The following ZBTB20 variants were observed in gnomAD, a reference collection of about 807,000 sequenced individuals.
The protein encoded by ZBTB20 is zinc finger and BTB domain containing 20.
In ZBTB20, 9 loss-of-function variants were observed where a neutral mutation model predicts 56.9. The observed-to-expected ratio is 0.16, with a 90% CI of 0.10 to 0.28. The LOEUF is 0.28. Among genes scored for constraint, ZBTB20 ranks in the 10% least tolerant of loss-of-function variants. The probability of loss-of-function intolerance (pLI) is 1.00; values close to 1 mark genes in which losing one functional copy is unlikely to be tolerated. For missense variants in ZBTB20, 655 were observed against 1,003.0 expected (o/e 0.65, Z 4.69); for synonymous variants, 417 against 420.7 (o/e 0.99, Z 0.11).
At chr3:114,427,418 C>A (rs901275210) in intron 7 of ZBTB20, among the ~76,000 whole-genome samples, 1 of 152,192 alleles carries the variant, frequency 6.6e-6, no homozygotes, top group African/African-American at 2.4e-5. Flanking sequence ...AAAGACAGAA[C>A]ACATCATCAG....
chr3:114,660,307 A>T (rs1269488544), intron 6 of ZBTB20, among the ~76,000 whole-genome samples: 1 of 152,134 alleles, frequency 6.6e-6, no homozygotes, highest in Non-Finnish European at 1.5e-5. Context: ...CAAAGTCTGC[A>T]GTTGTTTTTA....
chr3:115,017,440 A>G (rs1216615294), intron 2 of ZBTB20, among the ~76,000 whole-genome samples: 1 of 151,774 alleles, frequency 6.6e-6, no homozygotes, highest in African/African-American at 2.4e-5. Context: ...TCATATCACA[A>G]AAATGACCAT....
chr3:114,661,530 C>T (rs915192106), intron 6 of ZBTB20, among the ~76,000 whole-genome samples: 2 of 152,116 alleles, frequency 1.3e-5, no homozygotes, highest in Admixed American at 6.6e-5. Context: ...GTTTACTTTT[C>T]GAACATGTCA....
chr3:114,621,921 C>A (rs999706890), intron 6 of ZBTB20, among the ~76,000 whole-genome samples: 3 of 152,108 alleles, frequency 2.0e-5, no homozygotes, highest in African/African-American at 7.2e-5. Context: ...TCAATTTAGT[C>A]ATGAAATTCT....
chr3:114,688,615 T>C (rs950744689), intron 6 of ZBTB20, among the ~76,000 whole-genome samples: 1 of 152,196 alleles, frequency 6.6e-6, no homozygotes, highest in Non-Finnish European at 1.5e-5. Flanking sequence ...TTTCCTGTTT[T>C]ATGTGCAATG....
intron 6 of ZBTB20, among the ~76,000 whole-genome samples, chr3:114,680,582 TAG>T (rs545937633): frequency 3.3e-5 from 5 of 152,232 alleles, no homozygotes; most frequent in Non-Finnish European, 5.9e-5. Context: ...ATAAATAAGA[TAG>T]AGTCATTCAC....
chr3:114,456,014 A>G (rs1278561207), intron 7 of ZBTB20, among the ~76,000 whole-genome samples: 2 of 152,084 alleles, frequency 1.3e-5, no homozygotes, highest in African/African-American at 2.4e-5. Context: ...CAGCTAACCT[A>G]GAGTATTCTT....
At chr3:114,560,422 C>G (rs1485060430) in intron 6 of ZBTB20, among the ~76,000 whole-genome samples, 1 of 152,122 alleles carries the variant, frequency 6.6e-6, no homozygotes, top group African/African-American at 2.4e-5. Context: ...TTAATCCTCC[C>G]AGCAACTATG....
At chr3:115,111,627 T>C (rs1043235923) in intron 1 of ZBTB20, among the ~76,000 whole-genome samples, 2 of 152,164 alleles carry the variant, frequency 1.3e-5, no homozygotes, top group African/African-American at 2.4e-5. Flanking sequence ...ATAGATATTA[T>C]AGAATATTTG....
chr3:114,649,154 T>C (rs1004000910), intron 6 of ZBTB20, among the ~76,000 whole-genome samples: 1 of 151,944 alleles, frequency 6.6e-6, no homozygotes, highest in Non-Finnish European at 1.5e-5. Flanking sequence ...AGGAGAAAAA[T>C]ACACTATAAA....
chr3:114,725,002 T>C (rs1032790106), intron 5 of ZBTB20, among the ~76,000 whole-genome samples: 1 of 152,216 alleles, frequency 6.6e-6, no homozygotes, highest in African/African-American at 2.4e-5. Context: ...TGATTCAGTT[T>C]GTAGGAGTGG....
intron 7 of ZBTB20, among the ~76,000 whole-genome samples, chr3:114,440,259 G>A (rs1299529645): frequency 6.6e-6 from 1 of 152,086 alleles, no homozygotes; most frequent in Non-Finnish European, 1.5e-5. Context: ...TGAAGTAGAT[G>A]AGGATAGATG....
intron 5 of ZBTB20, among the ~76,000 whole-genome samples, chr3:114,784,793 G>C (rs1335077036): frequency 6.6e-6 from 1 of 152,164 alleles, no homozygotes; most frequent in African/African-American, 2.4e-5. Context: ...TTAAGAAAAT[G>C]AGACTGGATC....
chr3:114,967,754 C>G (rs1191161010), intron 3 of ZBTB20, among the ~76,000 whole-genome samples: 2 of 151,978 alleles, frequency 1.3e-5, no homozygotes, highest in Non-Finnish European at 2.9e-5. Flanking sequence ...GTCAGGAGTT[C>G]AAGACCAGCC....
At chr3:114,801,023 AC>A (rs2071667345) in intron 5 of ZBTB20, 77 bp downstream of exon 5, 1 of 152,040 alleles carries the variant, frequency 6.6e-6, no homozygotes, top group African/African-American at 2.4e-5. Context: ...ATGTCTGGTT[AC>A]TATGTTACCA....
At chr3:115,071,643 C>T (rs2082412508) in intron 1 of ZBTB20, among the ~76,000 whole-genome samples, 1 of 152,104 alleles carries the variant, frequency 6.6e-6, no homozygotes, top group Non-Finnish European at 1.5e-5. Flanking sequence ...CAGTGAAGTT[C>T]AAGTGCTTTA....
intron 3 of ZBTB20, among the ~76,000 whole-genome samples, chr3:114,966,993 TTC>T (rs1214408427): frequency 3.3e-5 from 5 of 152,156 alleles, no homozygotes; most frequent in Admixed American, 1.3e-4. Flanking sequence ...TAAATTAACT[TTC>T]TGTTATGAAA....
At chr3:114,986,329 C>T (rs62265048) in intron 2 of ZBTB20, among the ~76,000 whole-genome samples, 2,261 of 152,112 alleles carry the variant, frequency 0.015, 43 homozygotes, top group Non-Finnish European at 0.018. Flanking sequence ...TTATTTATAT[C>T]GTAATTCTAC....
intron 4 of ZBTB20, among the ~76,000 whole-genome samples, chr3:114,812,458 T>G (rs934075161): frequency 2.6e-5 from 4 of 152,136 alleles, no homozygotes; most frequent in Admixed American, 2.6e-4. Flanking sequence ...TTACAAACCT[T>G]GAGCTAGATA....
Sources: allele counts gnomAD v4.1 joint callset (sites outside exome capture counted in the v4.1 genomes callset), GRCh38; gene constraint gnomAD v4.1.1; transcripts MANE v1.5; gene names NCBI Gene and HGNC (gene_info 2026-07-23, HGNC 2026-07-21).